Variants in CPED1 observed in about 807,000 individuals in gnomAD.
The protein encoded by CPED1 is cadherin like and PC-esterase domain containing 1.
Under a neutral mutation model 128.2 loss-of-function variants are expected in CPED1, and 114 were observed. The observed-to-expected ratio is 0.89, with a 90% CI of 0.76 to 1.04. CPED1 has a LOEUF of 1.04. Ranked by LOEUF, CPED1 falls within the 50% of genes least tolerant of loss-of-function variation. CPED1 has a pLI of 0.00. For synonymous variants in CPED1, 462 were observed against 426.7 expected (o/e 1.08, Z -1.02); for missense variants, 1,211 against 1,207.1 (o/e 1.00, Z -0.05).
In CPED1 at chr7:121,256,819, G is replaced by A. The variant is rs549946173; in HGVS notation, c.2311-9408G>A. Among the ~76,000 whole-genome samples the A allele has an allele frequency of 2.0e-5, 3 of 152,046 alleles. No individual in the cohort carries two copies. The South Asian group carries it at 6.2e-4, about 32-fold the overall frequency. On this transcript the variant is annotated intron_variant, in intron 18 of 22. Transcript: ENST00000310396. ...TAGCAAAGACATGGAATCAACCTAG[G>A]TGCCCTTCAATGGTGAACTGGATAA...
Position 121,271,340 on chromosome 7 carries a change from A to G in CPED1, c.2778A>G (p.Lys926=). 6.2e-7 allele frequency: 1 copy of G among 1,612,610 alleles called. No individual in the cohort carries two copies. The highest frequency in any genetic ancestry group is 8.5e-7 in the Non-Finnish European group (1 of 1,178,960). ...ENLIILDTAK[K]HGYEVVDTFT... ...TGATTATTCTGGATACTGCAAAAAAACATGGCTATGAAGTAGTTGACACAT... is the reference window on the plus strand; with the variant it reads ...TGATTATTCTGGATACTGCAAAAAAGCATGGCTATGAAGTAGTTGACACAT... Residue 926 remains lysine, a synonymous_variant, in exon 22 of 23, where the codon AAA becomes AAG. Transcript: ENST00000310396.
At chr7:121,142,619 C>T (rs770794704) in intron 16 of CPED1, among the ~76,000 whole-genome samples, 1 of 151,958 alleles carries the variant, frequency 6.6e-6, no homozygotes, top group African/African-American at 2.4e-5. Flanking sequence ...TCATTCACTT[C>T]TCATACAGTA....
At chr7:121,252,367 G>A (rs1798693583) in intron 18 of CPED1, among the ~76,000 whole-genome samples, 1 of 152,102 alleles carries the variant, frequency 6.6e-6, no homozygotes, top group South Asian at 2.1e-4. Context: ...AGAAACCCTA[G>A]AAGAAAACCT....
At chr7:121,292,619 C>G (rs1041042651) in intron 22 of CPED1, among the ~76,000 whole-genome samples, 8 of 152,026 alleles carry the variant, frequency 5.3e-5, no homozygotes, top group African/African-American at 1.9e-4. Context: ...GAATTTTCAG[C>G]CTTTTTGTGC....
chr7:121,040,687 A>C (rs887361364), intron 3 of CPED1, among the ~76,000 whole-genome samples: 2 of 152,074 alleles, frequency 1.3e-5, no homozygotes, highest in Non-Finnish European at 2.9e-5. Flanking sequence ...ACAAATGAAC[A>C]GTGAACAGAT....
chr7:121,243,128 GAACT>G (rs1475127432), intron 17 of CPED1, among the ~76,000 whole-genome samples: 1 of 151,974 alleles, frequency 6.6e-6, no homozygotes, highest in African/African-American at 2.4e-5. Context: ...TCTAACTCAA[GAACT>G]ATCTGGGTGA....
intron 16 of CPED1, among the ~76,000 whole-genome samples, chr7:121,145,759 A>G (rs1379390812): frequency 6.6e-6 from 1 of 151,870 alleles, no homozygotes; most frequent in Non-Finnish European, 1.5e-5. Flanking sequence ...AATGAGATTT[A>G]CAAATTTTTA....
At chr7:121,158,434 C>G (rs182324609) in intron 16 of CPED1, among the ~76,000 whole-genome samples, 327 of 152,268 alleles carry the variant, frequency 2.1e-3, no homozygotes, top group South Asian at 4.4e-3. Flanking sequence ...CTTCTCACCC[C>G]CTTTCATAAC....
intron 2 of CPED1, among the ~76,000 whole-genome samples, chr7:121,010,461 C>A (rs1427259364): frequency 2.0e-5 from 3 of 152,112 alleles, no homozygotes; most frequent in Admixed American, 2.0e-4. Flanking sequence ...ATTGGCCAGG[C>A]TGGTTTTGAA....
At chr7:121,206,527 G>A (rs1239894822) in intron 16 of CPED1, among the ~76,000 whole-genome samples, 1 of 151,874 alleles carries the variant, frequency 6.6e-6, no homozygotes, top group Non-Finnish European at 1.5e-5. Context: ...AATACAAAAT[G>A]TATGTAATAA....
chr7:121,142,237 T>A (rs1238679578), intron 16 of CPED1, 96 bp downstream of exon 16: 1 of 1,148,730 alleles, frequency 8.7e-7, no homozygotes, highest in Admixed American at 2.2e-5. Context: ...AGAAATTGTA[T>A]GCCTTGAAAT....
At position 121,067,832 on chromosome 7, in the gene CPED1, T is replaced by A. The variant is rs563210308; in HGVS notation, c.616+3519T>A. On this transcript the variant is annotated intron_variant, in intron 5 of 22. Coordinates refer to ENST00000310396, the MANE Select transcript of CPED1 (RefSeq NM_024913.5). ...TAACTGGTGTGAGATGGTATCTCATTGTGGTTTTGATTTGCATTTCTCTGA... is the reference window on the plus strand; with the variant it reads ...TAACTGGTGTGAGATGGTATCTCATAGTGGTTTTGATTTGCATTTCTCTGA... Among the ~76,000 whole-genome samples the A allele has an allele frequency of 2.7e-3, 404 of 152,300 alleles. 1 individual carries two copies. Among genetic ancestry groups the A allele is most frequent in the Non-Finnish European group, 4.9e-3 (332 of 68,024 alleles).
intron 2 of CPED1, among the ~76,000 whole-genome samples, chr7:120,991,166 A>C (rs1434189746): frequency 6.6e-6 from 1 of 152,246 alleles, no homozygotes; most frequent in Non-Finnish European, 1.5e-5. Flanking sequence ...AAGTTAAAAC[A>C]AGGAAAATTT....
chr7:121,266,324 C>T lies in CPED1; in HGVS notation c.2408C>T (p.Thr803Ile). ...CAGGAATGGCAGAAAGTACATGGCA[C>T]TAAATTCTATCACAACGTCAATGGT... Reference protein sequence around the residue: ...TLQEWQKVHGTKFYHNVNGGK... With the variant: ...TLQEWQKVHGIKFYHNVNGGK... Residue 803 changes from threonine (T) to isoleucine (I), a missense_variant, in exon 19 of 23, where the codon ACT (threonine) becomes ATT (isoleucine). By Grantham distance (89) the Thr-to-Ile change is moderately conservative (BLOSUM62 -1). Coordinates refer to ENST00000310396, the MANE Select transcript of CPED1 (RefSeq NM_024913.5). The T allele has an allele frequency of 6.2e-7, 1 of 1,613,156 alleles. No homozygotes were observed.
chr7:121,259,979 A>G (rs551397123), intron 18 of CPED1, among the ~76,000 whole-genome samples: 4 of 152,126 alleles, frequency 2.6e-5, no homozygotes, highest in South Asian at 4.1e-4. Flanking sequence ...TGTTCTGACT[A>G]ATATGTGAAT....
intron 21 of CPED1, among the ~76,000 whole-genome samples, chr7:121,270,654 AT>A (rs1792212144): frequency 6.6e-6 from 1 of 151,856 alleles, no homozygotes; most frequent in Non-Finnish European, 1.5e-5. Flanking sequence ...CCCATTGCTT[AT>A]TTTTGTTGAG....
intron 16 of CPED1, among the ~76,000 whole-genome samples, chr7:121,154,309 AG>A (rs1325808277): frequency 6.6e-6 from 1 of 152,140 alleles, no homozygotes; most frequent in Non-Finnish European, 1.5e-5. Flanking sequence ...CTAATTGCTG[AG>A]ACCAGGACTT....
chr7:121,283,856 T>G (rs907438803), intron 22 of CPED1, among the ~76,000 whole-genome samples: 1 of 152,194 alleles, frequency 6.6e-6, no homozygotes, highest in Non-Finnish European at 1.5e-5. Flanking sequence ...AGAGCCTTAT[T>G]CTGTCCCTTT....
At chr7:121,061,622 A>G (rs965161246) in intron 4 of CPED1, among the ~76,000 whole-genome samples, 3 of 152,306 alleles carry the variant, frequency 2.0e-5, no homozygotes, top group Non-Finnish European at 4.4e-5. Context: ...AAACAGCTAT[A>G]AGAAATAAAG....
Sources: allele counts gnomAD v4.1 joint callset (sites outside exome capture counted in the v4.1 genomes callset), GRCh38; gene constraint gnomAD v4.1.1; transcripts MANE v1.5; gene names NCBI Gene and HGNC (gene_info 2026-07-23, HGNC 2026-07-21).